The following PURG variants were observed in gnomAD, a reference collection of about 807,000 sequenced individuals.
PURG encodes purine-rich element-binding protein gamma.
PURG carries 3 observed loss-of-function variants against 24.3 expected under a neutral mutation model. The observed-to-expected ratio is 0.12, with a 90% CI of 0.06 to 0.32. The LOEUF (loss-of-function observed/expected upper bound fraction) is 0.32, where lower values mean the gene tolerates loss of function less well. PURG is among the 10% of genes least tolerant of loss of function. The pLI is 1.00. For synonymous variants in PURG, 180 were observed against 173.1 expected (o/e 1.04, Z -0.31); for missense variants, 371 against 439.1 (o/e 0.84, Z 1.39).
exon 2 of PURG, chr8:30,996,568 A>C: frequency 1.3e-6 from 2 of 1,526,860 alleles, no homozygotes; most frequent in Non-Finnish European, 1.8e-6. Flanking sequence ...CTTTATTCTG[A>C]GGTGTAACAT....
chr8:30,996,482 C>A, exon 2 of PURG: 1 of 696,446 alleles, frequency 1.4e-6, no homozygotes, highest in Non-Finnish European at 2.4e-6. Flanking sequence ...TACTTGTCTT[C>A]CCTTCCGTGG....
Position 31,011,520 on chromosome 8 carries a change from G to A in PURG, c.865-14823C>T, listed in dbSNP as rs574693807. ...TATATTTTGAGCACTATGACAGTAT[G>A]TAGATAATCATATTTAAAGGATAAA... On this transcript the variant is annotated intron_variant, in intron 1 of 1. Transcript: ENST00000339382. 2.6e-5 allele frequency among the ~76,000 whole-genome samples: 4 copies of A among 152,236 alleles called. No homozygotes were observed. The East Asian group carries it at 7.7e-4, about 29-fold the overall frequency.
In PURG at chr8:31,032,380, G is replaced by C; in HGVS notation, c.403C>G (p.Arg135Gly). Residue 135 changes from arginine to glycine, a missense_variant, in exon 2 of 2, where the codon CGG becomes GGG. Around this residue, in one of 5 missense-constraint regions of PURG, gnomAD observed 213 missense variants for 230.6 expected, o/e 0.92. Coordinates refer to ENST00000523392, the MANE Select transcript of PURG (RefSeq NM_001323311.2). The surrounding 1 kb of genome is among the most constrained non-coding windows in gnomAD (Gnocchi z 5.9). Reference protein sequence around the residue: ...HYAHLGLKGHRQEHGHSKEQG... With the variant: ...HYAHLGLKGHGQEHGHSKEQG... ...TCTTTGCTGTGGCCATGCTCTTGCC[G>C]GTGGCCTTTCAGGCCCAGGTGGGCA... The C allele has an allele frequency of 1.2e-6, 2 of 1,613,494 alleles. No homozygotes were observed. The highest frequency in any genetic ancestry group is 1.7e-6 in the Non-Finnish European group (2 of 1,180,002).
chr8:31,000,760 A>C lies in PURG; in HGVS notation c.865-4063T>G, dbSNP rs139229680. Reference sequence around the variant, plus strand: ...AGAATGACTATATAGAAGCATGTTAAAGACATGGCCCATTCTATAAATTCA... The same window carrying C: ...AGAATGACTATATAGAAGCATGTTACAGACATGGCCCATTCTATAAATTCA... On this transcript the variant is annotated intron_variant, in intron 1 of 1. Coordinates refer to the PURG transcript ENST00000339382. 4.1e-3 allele frequency among the ~76,000 whole-genome samples: 619 copies of C among 152,334 alleles called. 1 individual carries two copies. Among genetic ancestry groups the C allele is most frequent in the African/African-American group, 0.014 (589 of 41,586 alleles).
intron 1 of PURG, among the ~76,000 whole-genome samples, chr8:31,018,498 C>T (rs1207290211): frequency 6.6e-6 from 1 of 152,218 alleles, no homozygotes; most frequent in African/African-American, 2.4e-5. Flanking sequence ...TAAATTTATT[C>T]TGCCTGAAGC....
rs1397975786 is a variant in PURG, at chr8:31,031,571, C to G, written c.*168G>C. 20 of 654,020 alleles carry G rather than the reference C, an allele frequency of 3.1e-5. No homozygotes were observed. Among genetic ancestry groups the G allele is most frequent in the Non-Finnish European group, 4.9e-5 (19 of 387,352 alleles). 40.5% of individuals were successfully genotyped at this position (654,020 alleles called of 1,614,324 possible). A position where few individuals can be genotyped will look rare whatever the true frequency, so the allele number is the denominator to read the frequency against. ...GAATTCCCGTAAGAATTATAGTGAT[C>G]TATGTGTAACATAACATGAGAATCA... On this transcript the variant is annotated 3_prime_UTR_variant, in exon 2 of 2. Coordinates refer to ENST00000523392, the MANE Select transcript of PURG (RefSeq NM_001323311.2).
chr8:30,998,659 C>A (rs964864044), intron 1 of PURG, among the ~76,000 whole-genome samples: 7 of 151,608 alleles, frequency 4.6e-5, no homozygotes. Flanking sequence ...GTGGGGAAAG[C>A]GAAGGATGTA....
At chr8:31,009,795 T>G (rs1810730830) in intron 1 of PURG, among the ~76,000 whole-genome samples, 1 of 152,246 alleles carries the variant, frequency 6.6e-6, no homozygotes, top group African/African-American at 2.4e-5. Context: ...TGAGTTGATT[T>G]CATAAAACCT....
At chr8:30,997,800 T>G (rs1025016061) in intron 1 of PURG, among the ~76,000 whole-genome samples, 1 of 151,814 alleles carries the variant, frequency 6.6e-6, no homozygotes, top group African/African-American at 2.4e-5. Context: ...TTGAAAAAAT[T>G]ATCCTATGCT....
In PURG at chr8:31,033,144, T is replaced by C; in HGVS notation, c.-73A>G. The C allele has an allele frequency of 4.7e-6, 1 of 213,674 alleles. No homozygotes were observed. The allele number at this position is 213,674 out of a possible 1,614,324, so 13.2% of individuals were successfully genotyped here. A position where few individuals can be genotyped will look rare whatever the true frequency, so the allele number is the denominator to read the frequency against. On this transcript the variant is annotated 5_prime_UTR_variant, in exon 1 of 2. Transcript: ENST00000523392. ...CCACCGCCGCCGCCACCGCCAGCTC[T>C]CGGCCCCTCTGCTGCAGCCGCCGCA... is the stretch of plus-strand genomic sequence containing the variant.
At chr8:31,012,061 A>G (rs978405355) in intron 1 of PURG, among the ~76,000 whole-genome samples, 1 of 152,230 alleles carries the variant, frequency 6.6e-6, no homozygotes, top group African/African-American at 2.4e-5. Context: ...TTTCAAAGAC[A>G]AAACAGGAAC....
intron 1 of PURG, among the ~76,000 whole-genome samples, chr8:31,008,294 G>A (rs2129790844): frequency 6.6e-6 from 1 of 152,204 alleles, no homozygotes; most frequent in South Asian, 2.1e-4. Flanking sequence ...TGTACCTGAA[G>A]GCATTTAACT....
chr8:31,022,549 A>G (rs370787228), intron 1 of PURG, among the ~76,000 whole-genome samples: 2 of 152,182 alleles, frequency 1.3e-5, no homozygotes, highest in African/African-American at 4.8e-5. Context: ...TTATGTTTCA[A>G]TTGTCTTCTG....
intron 1 of PURG, among the ~76,000 whole-genome samples, chr8:31,021,325 C>T (rs1488534197): frequency 6.6e-6 from 1 of 152,150 alleles, no homozygotes; most frequent in Non-Finnish European, 1.5e-5. Flanking sequence ...CCTCTCTGCC[C>T]TTAGGGATGA....
At chr8:31,016,399 G>C (rs549127177) in intron 1 of PURG, among the ~76,000 whole-genome samples, 77 of 150,310 alleles carry the variant, frequency 5.1e-4, no homozygotes, top group Non-Finnish European at 9.6e-4. Context: ...TAAATAAATA[G>C]ATAAATAAAT....
intron 1 of PURG, among the ~76,000 whole-genome samples, chr8:31,023,040 G>A (rs927271386): frequency 6.6e-6 from 1 of 152,154 alleles, no homozygotes; most frequent in African/African-American, 2.4e-5. Context: ...AAAATGGCAA[G>A]GGTAAAGAAC....
chr8:31,022,209 G>A lies in PURG; in HGVS notation c.864+9710C>T, dbSNP rs28502827. On this transcript the variant is annotated intron_variant, in intron 1 of 1. Coordinates refer to the PURG transcript ENST00000339382. ...TGGTCTTGAACTCCTGAACTTAAGT[G>A]ATCCGCCCGCCTTGGCCTCCCAAAG... Among the ~76,000 whole-genome samples the A allele has an allele frequency of 5.6e-3, 851 of 152,268 alleles. 5 individuals are homozygous for A. The highest frequency in any genetic ancestry group is 0.02 in the African/African-American group (820 of 41,552).
intron 1 of PURG, among the ~76,000 whole-genome samples, chr8:31,019,327 ATTTTTTT>A (rs771463137): frequency 1.3e-5 from 1 of 78,928 alleles, no homozygotes; most frequent in Non-Finnish European, 2.4e-5. Flanking sequence ...AACACCTCTA[ATTTTTTT>A]TTTTTTTTTT....
intron 1 of PURG, among the ~76,000 whole-genome samples, chr8:31,024,088 G>C (rs1278215479): frequency 6.6e-6 from 1 of 152,112 alleles, no homozygotes; most frequent in African/African-American, 2.4e-5. Flanking sequence ...GTTTAGGATA[G>C]TTACGTAGTT....
Sources: allele counts gnomAD v4.1 joint callset (sites outside exome capture counted in the v4.1 genomes callset), GRCh38; gene constraint gnomAD v4.1.1; regional missense constraint gnomAD v4.1.1; non-coding constraint Gnocchi (gnomAD v3.1); transcripts MANE v1.5; gene names NCBI Gene and HGNC (gene_info 2026-07-23, HGNC 2026-07-21).